Variants in NFKBIE observed in about 807,000 individuals in gnomAD.
NFKBIE encodes NF-kappa-B inhibitor epsilon.
Under a neutral mutation model 31.6 loss-of-function variants are expected in NFKBIE, and 11 were observed. The ratio of observed to expected loss-of-function variants is 0.35; its 90% confidence interval spans 0.22 to 0.58. The LOEUF (loss-of-function observed/expected upper bound fraction) is 0.58. Ranked by LOEUF, NFKBIE falls within the 20% of genes least tolerant of loss-of-function variation. The probability of loss-of-function intolerance (pLI) is 0.83; values close to 1 mark genes in which losing one functional copy is unlikely to be tolerated. For missense variants in NFKBIE, 354 were observed against 465.7 expected, an observed-to-expected ratio of 0.76 and a Z score of 2.21; for synonymous variants, 208 against 210.1, an observed-to-expected ratio of 0.99 and a Z score of 0.09.
At position 44,263,764 on chromosome 6, in the gene NFKBIE, AG is replaced by A. The variant is rs1782012391; in HGVS notation, c.366-1103del. ...CCTGCTCTCTGGGGACTCGCTGGGG[AG>A]CCCGGACATTTCTCCCCTCCACACA... On this transcript the variant is annotated intron_variant, in intron 1 of 5. Coordinates refer to ENST00000619360, the MANE Select transcript of NFKBIE (RefSeq NM_004556.3). This position sits in a 1 kb window ranked among gnomAD's most constrained non-coding sequence, Gnocchi z 5.0. Among the ~76,000 whole-genome samples, 4 of 152,056 alleles carry A rather than the reference AG, an allele frequency of 2.6e-5. No individual in the cohort carries two copies. The highest frequency in any genetic ancestry group is 7.2e-5 in the African/African-American group (3 of 41,454).
chr6:44,259,988 C>CCT (rs1405060474), intron 5 of NFKBIE, 55 bp downstream of exon 5: 24 of 1,581,282 alleles, frequency 1.5e-5, no homozygotes, highest in Non-Finnish European at 2.0e-5. Context: ...AATGACAGAA[C>CCT]CTCTCTCTGC....
Position 44,261,933 on chromosome 6 carries a change from G to C in NFKBIE, c.469-85C>G. 2 of 1,254,174 alleles carry C rather than the reference G, an allele frequency of 1.6e-6. No individual in the cohort carries two copies. The highest frequency in any genetic ancestry group is 2.7e-4 in the Middle Eastern group (1 of 3,718). The allele number at this position is 1,254,174 out of a possible 1,614,324, so 77.7% of individuals were successfully genotyped here. The stretch of plus-strand genomic sequence containing the variant: ...TGCTTGGGCTCAAGAATCACCAGCT[G>C]CCAGCATCTTCTTTGAAAGCAGCTT... On this transcript the variant is annotated intron_variant, in intron 2 of 5. Transcript: ENST00000619360. The surrounding 1 kb of genome is among the most constrained non-coding windows in gnomAD (Gnocchi z 4.3).
rs971316369 is a variant in NFKBIE at position 44,260,566 on chromosome 6, G to A, written c.692-27C>T. On this transcript the variant is annotated intron_variant, in intron 3 of 5. Transcript: ENST00000619360. The surrounding 1 kb of genome is among the most constrained non-coding windows in gnomAD (Gnocchi z 5.5). ...TGGGATGGGGTGAGAGTGAGGGTGA[G>A]GGCTGCTGATCTGCATCCACCAACT... is the stretch of plus-strand genomic sequence containing the variant. 2 of 1,609,432 alleles carry A rather than the reference G, an allele frequency of 1.2e-6. No individual in the cohort carries two copies. Among genetic ancestry groups the A allele is most frequent in the African/African-American group, 1.3e-5 (1 of 74,856 alleles).
At chr6:44,262,791 T>A in intron 1 of NFKBIE, 129 bp from the exon 2 acceptor site, 2 of 667,420 alleles carry the variant, frequency 3.0e-6, no homozygotes, top group Non-Finnish European at 5.3e-6. Flanking sequence ...GAAGTGAGAG[T>A]GTGGGCCAGG....
rs1781775370 is a variant in NFKBIE at position 44,258,741 on chromosome 6, A to G, written c.*478T>C. 1 of 152,930 alleles carries G rather than the reference A, an allele frequency of 6.5e-6. No individual in the cohort carries two copies. 9.5% of individuals were successfully genotyped at this position (152,930 alleles called of 1,614,324 possible). A position where few individuals can be genotyped will look rare whatever the true frequency, so the allele number is the denominator to read the frequency against. On this transcript the variant is annotated 3_prime_UTR_variant, in exon 6 of 6. Coordinates refer to ENST00000619360, the MANE Select transcript of NFKBIE (RefSeq NM_004556.3). The stretch of plus-strand genomic sequence containing the variant: ...CATGTTACTGAAACTTCCCTTCCCC[A>G]GTGGCTCAGTTCAGAGCCTTCTGTG...
rs968121442 is a variant in NFKBIE, at chr6:44,260,892, A to C, written c.692-353T>G. Among the ~76,000 whole-genome samples, 8 of 87,616 alleles carry C rather than the reference A, an allele frequency of 9.1e-5. No homozygotes were observed. Among genetic ancestry groups the C allele is most frequent in the Admixed American group, 5.9e-4 (5 of 8,524 alleles). 57.5% of individuals were successfully genotyped at this position (87,616 alleles called of 152,430 possible). The stretch of plus-strand genomic sequence containing the variant: ...ACACACACACACACACACACACACA[A>C]CCTGCCTTCAAGCCCAGTCTGAAAG... On this transcript the variant is annotated intron_variant, in intron 3 of 5. Transcript: ENST00000619360. The surrounding 1 kb of genome is among the most constrained non-coding windows in gnomAD (Gnocchi z 5.5).
rs959643057 is a variant in NFKBIE at position 44,260,882 on chromosome 6, C to T, written c.692-343G>A. On this transcript the variant is annotated intron_variant, in intron 3 of 5. Transcript: ENST00000619360. This position sits in a 1 kb window ranked among gnomAD's most constrained non-coding sequence, Gnocchi z 5.5. ...ACAGACACACACACACACACACACA[C>T]ACACACACAACCTGCCTTCAAGCCC... Among the ~76,000 whole-genome samples, 1 of 151,292 alleles carries T rather than the reference C, an allele frequency of 6.6e-6. No homozygotes were observed.
Position 44,261,540 on chromosome 6 carries a change from C to A in NFKBIE, c.691+86G>T. Reference sequence around the variant, plus strand: ...GGGGCACCAATGGACAAGCTGGGACCCTCCCTTCCCCAAGAGTGAGGTCCC... The same window carrying A: ...GGGGCACCAATGGACAAGCTGGGACACTCCCTTCCCCAAGAGTGAGGTCCC... On this transcript the variant is annotated intron_variant, in intron 3 of 5. Transcript: ENST00000619360. This position sits in a 1 kb window ranked among gnomAD's most constrained non-coding sequence, Gnocchi z 4.3. 14 of 1,426,278 alleles carry A rather than the reference C, an allele frequency of 9.8e-6. No individual in the cohort carries two copies. The highest frequency in any genetic ancestry group is 1.4e-5 in the Non-Finnish European group (14 of 1,030,528). 88.4% of individuals were successfully genotyped at this position (1,426,278 alleles called of 1,614,324 possible).
At position 44,260,591 on chromosome 6, in the gene NFKBIE, T is replaced by C. The variant is rs765166554; in HGVS notation, c.692-52A>G. The C allele has an allele frequency of 1.3e-6, 2 of 1,562,108 alleles. No homozygotes were observed. Among genetic ancestry groups the C allele is most frequent in the African/African-American group, 1.4e-5 (1 of 73,952 alleles). ...GGGCTGCTGATCTGCATCCACCAAC[T>C]CCCTCTCTTCTGGGACCTCCCTACC... On this transcript the variant is annotated intron_variant, in intron 3 of 5. Transcript: ENST00000619360. This position sits in a 1 kb window ranked among gnomAD's most constrained non-coding sequence, Gnocchi z 5.5.
chr6:44,261,775 C>G lies in NFKBIE; in HGVS notation c.542G>C (p.Arg181Pro), dbSNP rs142279662. 6.2e-7 allele frequency: 1 copy of G among 1,613,644 alleles called. No homozygotes were observed. The highest frequency in any genetic ancestry group is 8.5e-7 in the Non-Finnish European group (1 of 1,180,014). ...GTCACCATGCCGGTCCTGTAGTGCC[C>G]GGCTGGCCCCCTTCAGCACCAGTGC... ...VRALVLKGAS[R>P]ALQDRHGDTA... is the part of the protein sequence containing the mutation. Residue 181 changes from arginine (R) to proline (P), a missense_variant, in exon 3 of 6, where the codon CGG (arginine) becomes CCG (proline). Transcript: ENST00000619360. The surrounding 1 kb of genome is among the most constrained non-coding windows in gnomAD (Gnocchi z 4.3).
rs949730752 is a variant in NFKBIE, at chr6:44,260,648, A to G, written c.692-109T>C. On this transcript the variant is annotated intron_variant, in intron 3 of 5. Coordinates refer to ENST00000619360, the MANE Select transcript of NFKBIE (RefSeq NM_004556.3). The surrounding 1 kb of genome is among the most constrained non-coding windows in gnomAD (Gnocchi z 5.5). ...CCCCAAGGGACTCACAGCCCACTCA[A>G]TGTCTCTAATCACAAGACTGTTAAA... The G allele has an allele frequency of 3.0e-6, 3 of 986,220 alleles. No homozygotes were observed. In the African/African-American group the frequency reaches 4.8e-5, roughly 16 times the overall value. 61.1% of individuals were successfully genotyped at this position (986,220 alleles called of 1,614,324 possible). A position where few individuals can be genotyped will look rare whatever the true frequency, so the allele number is the denominator to read the frequency against.
chr6:44,264,934 G>A, intron 1 of NFKBIE, 48 bp downstream of exon 1: 4 of 1,537,978 alleles, frequency 2.6e-6, no homozygotes, highest in Non-Finnish European at 3.5e-6. Flanking sequence ...GCGGCTCTTG[G>A]GCAGGCCCAG....
At chr6:44,264,596 TC>T (rs1392971836) in intron 1 of NFKBIE, among the ~76,000 whole-genome samples, 3 of 152,162 alleles carry the variant, frequency 2.0e-5, no homozygotes, top group Non-Finnish European at 2.9e-5. Flanking sequence ...CACCTGTTGT[TC>T]CTTGAGACAG....
Position 44,263,672 on chromosome 6 carries a change from C to T in NFKBIE, c.366-1010G>A, listed in dbSNP as rs1782008632. 6.6e-6 allele frequency among the ~76,000 whole-genome samples: 1 copy of T among 150,842 alleles called. No individual in the cohort carries two copies. Among genetic ancestry groups the T allele is most frequent in the African/African-American group, 2.4e-5 (1 of 41,258 alleles). On this transcript the variant is annotated intron_variant, in intron 1 of 5. Transcript: ENST00000619360. This position sits in a 1 kb window ranked among gnomAD's most constrained non-coding sequence, Gnocchi z 5.0. ...TCTCTCCCCCAGTATCCCCTCCTCCCACTTCCTCTTCCCACTTCCATACCT... is the reference window on the plus strand; with the variant it reads ...TCTCTCCCCCAGTATCCCCTCCTCCTACTTCCTCTTCCCACTTCCATACCT...
chr6:44,260,557 T>G lies in NFKBIE; in HGVS notation c.692-18A>C. On this transcript the variant is annotated intron_variant, in intron 3 of 5. Coordinates refer to ENST00000619360, the MANE Select transcript of NFKBIE (RefSeq NM_004556.3). The surrounding 1 kb of genome is among the most constrained non-coding windows in gnomAD (Gnocchi z 5.5). ...AGCCAGACCTGGGATGGGGTGAGAG[T>G]GAGGGTGAGGGCTGCTGATCTGCAT... is the stretch of plus-strand genomic sequence containing the variant. The G allele has an allele frequency of 6.2e-7, 1 of 1,611,888 alleles. No individual in the cohort carries two copies. Among genetic ancestry groups the G allele is most frequent in the South Asian group, 1.1e-5 (1 of 91,010 alleles).
In NFKBIE at chr6:44,260,621, A is replaced by G. The variant is rs1239728644; in HGVS notation, c.692-82T>C. 2.2e-6 allele frequency: 3 copies of G among 1,335,998 alleles called. No individual in the cohort carries two copies. The highest frequency in any genetic ancestry group is 3.2e-6 in the Non-Finnish European group (3 of 931,096). 82.8% of individuals were successfully genotyped at this position (1,335,998 alleles called of 1,614,324 possible). A position where few individuals can be genotyped will look rare whatever the true frequency, so the allele number is the denominator to read the frequency against. ...CTCTTCTGGGACCTCCCTACCACTC[A>G]GCCCCAAGGGACTCACAGCCCACTC... On this transcript the variant is annotated intron_variant, in intron 3 of 5. Transcript: ENST00000619360. The surrounding 1 kb of genome is among the most constrained non-coding windows in gnomAD (Gnocchi z 5.5).
In NFKBIE at chr6:44,260,910, T is replaced by A. The variant is rs1412009391; in HGVS notation, c.692-371A>T. Among the ~76,000 whole-genome samples the A allele has an allele frequency of 6.8e-6, 1 of 147,474 alleles. No individual in the cohort carries two copies. Among genetic ancestry groups the A allele is most frequent in the African/African-American group, 2.5e-5 (1 of 40,220 alleles). On this transcript the variant is annotated intron_variant, in intron 3 of 5. Transcript: ENST00000619360. The surrounding 1 kb of genome is among the most constrained non-coding windows in gnomAD (Gnocchi z 5.5). ...ACACACAACCTGCCTTCAAGCCCAGTCTGAAAGCCACCTTTTCTGAAAAGC... is the reference window on the plus strand; with the variant it reads ...ACACACAACCTGCCTTCAAGCCCAGACTGAAAGCCACCTTTTCTGAAAAGC...
In NFKBIE at chr6:44,259,080, C is replaced by A. The variant is rs1025119003; in HGVS notation, c.*139G>T. On this transcript the variant is annotated 3_prime_UTR_variant, in exon 6 of 6. Transcript: ENST00000619360. ...CCCTCCTCCTCGGCTCAGGACTGTA[C>A]TGGCTGGCCCCAGGCTCTGGCCACA... 3.6e-6 allele frequency: 3 copies of A among 826,908 alleles called. No homozygotes were observed. Among genetic ancestry groups the A allele is most frequent in the Middle Eastern group, 5.1e-4 (2 of 3,948 alleles). 51.2% of individuals were successfully genotyped at this position (826,908 alleles called of 1,614,324 possible).
rs962335691 is a variant in NFKBIE at position 44,261,317 on chromosome 6, C to G, written c.691+309G>C. 6.6e-6 allele frequency among the ~76,000 whole-genome samples: 1 copy of G among 152,232 alleles called. No individual in the cohort carries two copies. Among genetic ancestry groups the G allele is most frequent in the African/African-American group, 2.4e-5 (1 of 41,458 alleles). ...GCAAGTGTAGCTCCTAGGATAACGT[C>G]TGGCACATAGAAAACCCTCAGTACA... On this transcript the variant is annotated intron_variant, in intron 3 of 5. Transcript: ENST00000619360. This position sits in a 1 kb window ranked among gnomAD's most constrained non-coding sequence, Gnocchi z 4.3.
Sources: allele counts gnomAD v4.1 joint callset (sites outside exome capture counted in the v4.1 genomes callset), GRCh38; gene constraint gnomAD v4.1.1; non-coding constraint Gnocchi (gnomAD v3.1); transcripts MANE v1.5; gene names NCBI Gene and HGNC (gene_info 2026-07-23, HGNC 2026-07-21).